The following ATIC variants were observed in gnomAD, a reference collection of about 807,000 sequenced individuals.
ATIC encodes the protein 5-aminoimidazole-4-carboxamide ribonucleotide formyltransferase/IMP cyclohydrolase, also known as bifunctional purine biosynthesis protein ATIC.
Under a neutral mutation model 72.5 loss-of-function variants are expected in ATIC, and 64 were observed. The ratio of observed to expected loss-of-function variants is 0.88; its 90% confidence interval spans 0.72 to 1.09. The LOEUF is 1.09. Among genes scored for constraint, ATIC ranks in the 50% least tolerant of loss-of-function variants. The probability of loss-of-function intolerance (pLI) is 0.00; values close to 1 mark genes in which losing one functional copy is unlikely to be tolerated. For missense variants in ATIC, 787 were observed against 732.4 expected (o/e 1.07, Z -0.86); for synonymous variants, 281 against 267.1 (o/e 1.05, Z -0.51).
intron 5 of ATIC, 101 bp downstream of exon 5, chr2:215,325,430 A>G (rs917799306): frequency 1.3e-5 from 11 of 857,152 alleles, no homozygotes; most frequent in Admixed American, 1.2e-4. Context: ...TAGAAAGAAA[A>G]TAGCTACTTC....
chr2:215,357,004 A>G, the ATIC span, among the ~76,000 whole-genome samples: 1 of 152,328 alleles, frequency 6.6e-6, no homozygotes, highest in East Asian at 1.9e-4. Context: ...AAGAGCTGCC[A>G]GGCTGTTTCC....
At chr2:215,337,305 T>G (rs1223339460) in intron 11 of ATIC, among the ~76,000 whole-genome samples, 2 of 152,152 alleles carry the variant, frequency 1.3e-5, no homozygotes, top group Non-Finnish European at 2.9e-5. Flanking sequence ...TACCAATAAT[T>G]TTATAGTTCA....
the ATIC span, chr2:215,360,855 C>T: frequency 6.6e-6 from 1 of 152,606 alleles, no homozygotes; most frequent in South Asian, 2.1e-4. Context: ...AATAGATGAA[C>T]TTCAAGTTGT....
chr2:215,322,137 G>A (rs143481021), intron 4 of ATIC, among the ~76,000 whole-genome samples: 2,251 of 151,570 alleles, frequency 0.015, 50 homozygotes, highest in African/African-American at 0.051. Flanking sequence ...TCCTGACCTC[G>A]GGTTATCTGC....
At chr2:215,348,687 G>T (rs1231950327) in intron 14 of ATIC, 4 of 424,860 alleles carry the variant, frequency 9.4e-6, no homozygotes, top group Admixed American at 2.8e-5. Context: ...TCCTGGCCGG[G>T]CGCGGTGGCT....
intron 7 of ATIC, among the ~76,000 whole-genome samples, chr2:215,331,242 G>A (rs1042066536): frequency 7.2e-5 from 11 of 151,832 alleles, no homozygotes; most frequent in South Asian, 2.1e-4. Context: ...TTGCAGGGAC[G>A]GTTTTTTTCA....
intron 12 of ATIC, among the ~76,000 whole-genome samples, chr2:215,343,172 A>T (rs1259774391): frequency 1.6e-4 from 23 of 146,890 alleles, no homozygotes; most frequent in Admixed American, 9.4e-4. Context: ...TTTTTTTTTT[A>T]AAGACATGGG....
intron 12 of ATIC, among the ~76,000 whole-genome samples, chr2:215,342,966 C>T (rs749027457): frequency 5.3e-5 from 8 of 152,110 alleles, no homozygotes; most frequent in Non-Finnish European, 8.8e-5. Context: ...CCAGCCTAAA[C>T]GTAAGTTTTT....
chr2:215,325,193 A>T, intron 4 of ATIC, 48 bp from the exon 5 acceptor site: 1 of 1,445,242 alleles, frequency 6.9e-7, no homozygotes, highest in Non-Finnish European at 9.7e-7. Flanking sequence ...GCTGTAAACC[A>T]CATGAGTGGA....
chr2:215,326,626 A>G (rs1339434126), intron 6 of ATIC, among the ~76,000 whole-genome samples, 196 bp from the exon 7 acceptor site: 1 of 151,260 alleles, frequency 6.6e-6, no homozygotes, highest in African/African-American at 2.4e-5. Flanking sequence ...AAAAAAAAAG[A>G]TTGAAAAAGA....
downstream of ATIC, among the ~76,000 whole-genome samples, chr2:215,353,481 T>G (rs1379979499): frequency 3.9e-5 from 6 of 152,170 alleles, no homozygotes; most frequent in African/African-American, 1.4e-4. Context: ...GCCTCCAGTT[T>G]CTCCTCTTGT....
At chr2:215,314,524 G>C (rs1234923992) in intron 2 of ATIC, among the ~76,000 whole-genome samples, 2 of 151,188 alleles carry the variant, frequency 1.3e-5, no homozygotes, top group Non-Finnish European at 2.9e-5. Context: ...CTGAGATAGA[G>C]TTTCACTCTT....
chr2:215,354,338 A>G (rs908393835), downstream of ATIC, among the ~76,000 whole-genome samples: 2 of 151,992 alleles, frequency 1.3e-5, no homozygotes, highest in African/African-American at 2.4e-5. Context: ...TCAGGAAACT[A>G]ATTTTTTCCT....
intron 12 of ATIC, among the ~76,000 whole-genome samples, chr2:215,340,224 A>G (rs188803465): frequency 6.6e-6 from 1 of 152,296 alleles, no homozygotes; most frequent in Admixed American, 6.5e-5. Flanking sequence ...TTTTGGATAT[A>G]TTATCTCATT....
At chr2:215,355,478 TC>T in the ATIC span, among the ~76,000 whole-genome samples, 1 of 152,126 alleles carries the variant, frequency 6.6e-6, no homozygotes, top group Non-Finnish European at 1.5e-5. Context: ...CCTCCATTCT[TC>T]CTCCCGTTGC....
rs575560797 is a variant in ATIC at position 215,318,159 on chromosome 2, A to T, written c.149A>T (p.Asp50Val). The T allele has an allele frequency of 8.1e-6, 13 of 1,613,938 alleles. No homozygotes were observed. In the East Asian group the frequency reaches 2.7e-4, roughly 33 times the overall value. The change falls in exon 3 of 16, where the codon GAT (aspartate) becomes GTT (valine). Residue 50 changes from aspartate (D) to valine (V), a missense_variant and splice_region_variant. Transcript: ENST00000236959. ...CATTCTGTTTATCTGTTTTTCAGAG[A>T]TGTCTCTGAGTTGACGGGATTTCCT... is the stretch of plus-strand genomic sequence containing the variant. Reference protein sequence around the residue: ...ALRDAGLAVRDVSELTGFPEM... With the variant: ...ALRDAGLAVRVVSELTGFPEM...
intron 4 of ATIC, among the ~76,000 whole-genome samples, chr2:215,324,369 T>G (rs2052800264): frequency 6.6e-6 from 1 of 152,218 alleles, no homozygotes. Context: ...ATCCTTTTTG[T>G]ACATCTATTG....
chr2:215,333,030 A>G (rs924579949), intron 8 of ATIC, among the ~76,000 whole-genome samples: 5 of 152,114 alleles, frequency 3.3e-5, no homozygotes, highest in African/African-American at 4.8e-5. Flanking sequence ...ATGATGTGTG[A>G]TATCAAAGTG....
intron 10 of ATIC, among the ~76,000 whole-genome samples, chr2:215,335,238 T>C (rs1180814381): frequency 2.0e-5 from 3 of 152,240 alleles, no homozygotes; most frequent in East Asian, 3.8e-4. Flanking sequence ...TTTTTACTTA[T>C]ATATTTATTT....
Sources: allele counts gnomAD v4.1 joint callset (sites outside exome capture counted in the v4.1 genomes callset), GRCh38; gene constraint gnomAD v4.1.1; transcripts MANE v1.5; gene names NCBI Gene and HGNC (gene_info 2026-07-23, HGNC 2026-07-21).